ATM: variants seen among roughly 807,000 people sequenced by gnomAD.
ATM encodes the protein serine-protein kinase ATM.
In ATM, 308 loss-of-function variants were observed where a neutral mutation model predicts 387.0. The observed-to-expected ratio is 0.80, with a 90% confidence interval of 0.73 to 0.87. The LOEUF (loss-of-function observed/expected upper bound fraction) is 0.87, where lower values mean the gene tolerates loss of function less well. Among genes scored for constraint, ATM ranks in the 40% least tolerant of loss-of-function variants. The pLI is 0.00. For missense variants in ATM, 3,312 were observed against 3,560.9 expected (o/e 0.93, Z 1.78); for synonymous variants, 1,156 against 1,187.3 (o/e 0.97, Z 0.54).
rs377599533 is a variant in ATM, at chr11:108,307,887, T to G, written c.5675-10T>G. 2 of 1,605,268 alleles carry G rather than the reference T, an allele frequency of 1.2e-6. No individual in the cohort carries two copies. The highest frequency in any genetic ancestry group is 2.7e-5 in the African/African-American group (2 of 74,686). On this transcript the variant is annotated splice_polypyrimidine_tract_variant and intron_variant, in intron 37 of 62. Transcript: ENST00000675843. Reference sequence around the variant, plus strand: ...GCCTGGGACTGAGGGGAGATATTTTTGTTTGTCAGAGTCAGAGCACTTTTT... The same window carrying G: ...GCCTGGGACTGAGGGGAGATATTTTGGTTTGTCAGAGTCAGAGCACTTTTT...
At chr11:108,299,484 A>G (rs982541897) in intron 33 of ATM, 2 of 411,040 alleles carry the variant, frequency 4.9e-6, no homozygotes, top group Admixed American at 7.1e-5. Context: ...TTTAGTAAAG[A>G]TGGGGCTTTA....
chr11:108,323,217 G>A (rs1301219298), intron 45 of ATM, among the ~76,000 whole-genome samples: 1 of 152,166 alleles, frequency 6.6e-6, no homozygotes, highest in Non-Finnish European at 1.5e-5. Flanking sequence ...ACATATTAAT[G>A]TGGCTTAGGA....
At chr11:108,319,456 G>A (rs2085030648) in intron 43 of ATM, among the ~76,000 whole-genome samples, 1 of 151,848 alleles carries the variant, frequency 6.6e-6, no homozygotes, top group African/African-American at 2.4e-5. Flanking sequence ...CTTTTCATTC[G>A]GACCCTAGTT....
rs560394970 is a variant in ATM, at chr11:108,337,404, G to A, written c.8268+1443G>A. ...GTTGCTCTATAAAGGCTACTCTGTAGAGGGATTTCTTTGATGTGGTTAAGA... is the reference window on the plus strand; with the variant it reads ...GTTGCTCTATAAAGGCTACTCTGTAAAGGGATTTCTTTGATGTGGTTAAGA... On this transcript the variant is annotated intron_variant, in intron 56 of 62. Coordinates refer to ENST00000675843, the MANE Select transcript of ATM (RefSeq NM_000051.4). Among the ~76,000 whole-genome samples the A allele has an allele frequency of 6.6e-5, 10 of 152,364 alleles. No homozygotes were observed. The East Asian group carries it at 9.6e-4, about 15-fold the overall frequency.
At chr11:108,313,165 A>T (rs757588047) in intron 40 of ATM, among the ~76,000 whole-genome samples, 1 of 152,186 alleles carries the variant, frequency 6.6e-6, no homozygotes, top group Non-Finnish European at 1.5e-5. Context: ...CTTCTATTTG[A>T]GACTAATTCT....
At chr11:108,359,909 A>C (rs1409265781) in intron 61 of ATM, among the ~76,000 whole-genome samples, 3 of 152,194 alleles carry the variant, frequency 2.0e-5, no homozygotes, top group African/African-American at 7.2e-5. Flanking sequence ...GAGCAAACAC[A>C]TTCAAAAGTT....
rs986983313 is a variant in ATM at position 108,363,088 on chromosome 11, G to A, written c.8851-1994G>A. Among the ~76,000 whole-genome samples the A allele has an allele frequency of 2.6e-5, 4 of 152,108 alleles. No individual in the cohort carries two copies. The South Asian group carries it at 6.2e-4, about 24-fold the overall frequency. ...CGAATTTCCCCAAATCATTTGGTGTGATTGTTCCAATCTTCAAGAATAATT... is the reference window on the plus strand; with the variant it reads ...CGAATTTCCCCAAATCATTTGGTGTAATTGTTCCAATCTTCAAGAATAATT... On this transcript the variant is annotated intron_variant, in intron 61 of 62. Transcript: ENST00000675843.
intron 61 of ATM, among the ~76,000 whole-genome samples, chr11:108,362,569 A>T (rs1166526720): frequency 6.7e-6 from 1 of 150,206 alleles, no homozygotes; most frequent in Non-Finnish European, 1.5e-5. Context: ...ACAATGATAG[A>T]CTGGATTAAG....
intron 11 of ATM, 135 bp from the exon 12 acceptor site, chr11:108,252,682 T>G (rs1436183891): frequency 1.2e-5 from 8 of 664,206 alleles, no homozygotes; most frequent in Admixed American, 2.7e-5. Flanking sequence ...AAATTTAGTA[T>G]AGATGAAAGC....
At chr11:108,331,714 C>A in intron 51 of ATM, 157 bp downstream of exon 51, 1 of 1,317,646 alleles carries the variant, frequency 7.6e-7, no homozygotes. Context: ...TTTTCTCTCT[C>A]TAATTCCTCA....
chr11:108,321,656 G>C (rs571350422), intron 45 of ATM, among the ~76,000 whole-genome samples: 1 of 151,942 alleles, frequency 6.6e-6, no homozygotes, highest in African/African-American at 2.4e-5. Flanking sequence ...GGTGGTGGGC[G>C]CCTGTAATCT....
intron 1 of ATM, chr11:108,225,039 G>T (rs1591437196): frequency 6.6e-6 from 1 of 152,280 alleles, no homozygotes; most frequent in Non-Finnish European, 1.5e-5. Context: ...GTTCAAGGAA[G>T]TCACACCATG....
At chr11:108,275,243 C>A (rs1335700379) in intron 22 of ATM, among the ~76,000 whole-genome samples, 1 of 152,020 alleles carries the variant, frequency 6.6e-6, no homozygotes, top group East Asian at 1.9e-4. Context: ...TTATTTTGAG[C>A]CTATGTGTGT....
intron 27 of ATM, 36 bp downstream of exon 27, chr11:108,287,751 C>A (rs749241980): frequency 7.0e-7 from 1 of 1,419,778 alleles, no homozygotes; most frequent in Non-Finnish European, 9.9e-7. Context: ...CTAGCTCTAA[C>A]TTCACAAGTT....
chr11:108,328,500 C>A (rs2085920487), intron 48 of ATM, among the ~76,000 whole-genome samples: 1 of 152,212 alleles, frequency 6.6e-6, no homozygotes, highest in African/African-American at 2.4e-5. Flanking sequence ...CCTGCCTCGG[C>A]CTCCCAAAGT....
In ATM at chr11:108,354,786, G is replaced by A. The variant is rs749333397; in HGVS notation, c.8787-25G>A. 2.8e-5 allele frequency: 45 copies of A among 1,600,878 alleles called. No individual in the cohort carries two copies. The highest frequency in any genetic ancestry group is 1.6e-4 in the East Asian group (7 of 44,786). ...ACAACATTGGTGTGTAACAAAATCCGTATTTATAATGTGTTTGACTCTAGA... is the reference window on the plus strand; with the variant it reads ...ACAACATTGGTGTGTAACAAAATCCATATTTATAATGTGTTTGACTCTAGA... On this transcript the variant is annotated intron_variant, in intron 60 of 62. Coordinates refer to ENST00000675843, the MANE Select transcript of ATM (RefSeq NM_000051.4).
intron 45 of ATM, among the ~76,000 whole-genome samples, chr11:108,323,934 C>G (rs1209811173): frequency 6.6e-6 from 1 of 152,038 alleles, no homozygotes; most frequent in Non-Finnish European, 1.5e-5. Context: ...AAGAGATTTG[C>G]AAAAATGCAA....
At chr11:108,290,826 T>TAAAA (rs202152959) in intron 29 of ATM, among the ~76,000 whole-genome samples, 1 of 124,856 alleles carries the variant, frequency 8.0e-6, no homozygotes, top group East Asian at 2.3e-4. Flanking sequence ...TTCACTCAAT[T>TAAAA]AAAAAAAAAA....
chr11:108,349,422 T>C (rs1342410174), intron 59 of ATM, among the ~76,000 whole-genome samples: 4 of 152,262 alleles, frequency 2.6e-5, no homozygotes, highest in East Asian at 3.9e-4. Context: ...CCCAACACTT[T>C]GGGAGGCCAA....
Sources: allele counts gnomAD v4.1 joint callset (sites outside exome capture counted in the v4.1 genomes callset), GRCh38; gene constraint gnomAD v4.1.1; transcripts MANE v1.5; gene names NCBI Gene and HGNC (gene_info 2026-07-23, HGNC 2026-07-21).